The following EBF1 variants were observed in gnomAD, a reference collection of about 807,000 sequenced individuals.
EBF1 encodes EBF transcription factor 1, also known as transcription factor COE1.
EBF1 carries 10 observed loss-of-function variants against 68.4 expected under a neutral mutation model. The ratio of observed to expected loss-of-function variants is 0.15; its 90% CI spans 0.09 to 0.25. EBF1 has a LOEUF of 0.25. Ranked by LOEUF, EBF1 falls within the 10% of genes least tolerant of loss-of-function variation. The pLI is 1.00. For missense variants in EBF1, 509 were observed against 794.4 expected, an observed-to-expected ratio of 0.64 and a Z score of 4.32; for synonymous variants, 298 against 299.8, an observed-to-expected ratio of 0.99 and a Z score of 0.06.
At chr5:158,840,299 T>C (rs966171390) in intron 6 of EBF1, among the ~76,000 whole-genome samples, 189 bp from the exon 7 acceptor site, 2 of 152,226 alleles carry the variant, frequency 1.3e-5, no homozygotes, top group Non-Finnish European at 1.5e-5. Context: ...GGACCTTCCT[T>C]ATGACACAAA....
intron 10 of EBF1, among the ~76,000 whole-genome samples, chr5:158,768,345 T>C (rs1454594626): frequency 6.6e-6 from 1 of 152,112 alleles, no homozygotes; most frequent in East Asian, 1.9e-4. Context: ...CATAACTCCC[T>C]GATATTTATG....
At chr5:158,905,096 G>T (rs1804290879) in intron 6 of EBF1, among the ~76,000 whole-genome samples, 1 of 152,158 alleles carries the variant, frequency 6.6e-6, no homozygotes, top group East Asian at 1.9e-4. Flanking sequence ...AGCACATTTT[G>T]CTAGCAGAAA....
intron 10 of EBF1, among the ~76,000 whole-genome samples, chr5:158,771,909 A>G (rs192799194): frequency 6.6e-6 from 1 of 152,154 alleles, no homozygotes; most frequent in Non-Finnish European, 1.5e-5. Context: ...GGCTCTGTCC[A>G]CTATACCACA....
At chr5:158,909,909 A>T (rs1379943859) in intron 6 of EBF1, among the ~76,000 whole-genome samples, 2 of 129,646 alleles carry the variant, frequency 1.5e-5, no homozygotes, top group Non-Finnish European at 3.2e-5. Flanking sequence ...GTGAGCCGAG[A>T]TTGCACCACT....
At chr5:158,898,206 A>G (rs1038219172) in intron 6 of EBF1, among the ~76,000 whole-genome samples, 2 of 152,236 alleles carry the variant, frequency 1.3e-5, no homozygotes, top group Admixed American at 6.5e-5. Flanking sequence ...AGAGACATCT[A>G]TCTTGGGTCT....
At chr5:158,757,251 C>G (rs1263789266) in intron 10 of EBF1, among the ~76,000 whole-genome samples, 1 of 152,080 alleles carries the variant, frequency 6.6e-6, no homozygotes, top group Non-Finnish European at 1.5e-5. Flanking sequence ...GCTGGGTAAC[C>G]CATAGTGATC....
At chr5:158,736,321 C>T (rs2127558669) in intron 10 of EBF1, among the ~76,000 whole-genome samples, 1 of 152,346 alleles carries the variant, frequency 6.6e-6, no homozygotes, top group East Asian at 1.9e-4. Context: ...CTGCAGAGTT[C>T]TGTTCAGAAA....
chr5:158,987,204 T>C (rs1007568864), intron 6 of EBF1: 1 of 152,246 alleles, frequency 6.6e-6, no homozygotes, highest in African/African-American at 2.4e-5. Context: ...CAAACTATTT[T>C]ACTTTTCTGA....
chr5:158,977,815 T>G (rs2127578057), intron 6 of EBF1, among the ~76,000 whole-genome samples: 1 of 152,296 alleles, frequency 6.6e-6, no homozygotes, highest in African/African-American at 2.4e-5. Flanking sequence ...TCACTGGTTC[T>G]TAAATAAACA....
intron 10 of EBF1, among the ~76,000 whole-genome samples, chr5:158,774,491 A>T (rs865800950): frequency 3.3e-5 from 5 of 152,172 alleles, no homozygotes; most frequent in Middle Eastern, 3.4e-3. Context: ...CAAGGGAAAA[A>T]TTCCAAGTGA....
At chr5:158,857,846 T>C (rs1362591453) in intron 6 of EBF1, among the ~76,000 whole-genome samples, 2 of 152,192 alleles carry the variant, frequency 1.3e-5, no homozygotes, top group African/African-American at 4.8e-5. Flanking sequence ...TATTATCACA[T>C]TAGTACTGGA....
At chr5:158,970,289 C>T (rs1476770083) in intron 6 of EBF1, among the ~76,000 whole-genome samples, 1 of 152,164 alleles carries the variant, frequency 6.6e-6, no homozygotes, top group African/African-American at 2.4e-5. Flanking sequence ...AACTCATTAG[C>T]ATCACCTGTG....
At chr5:158,755,444 G>A (rs1769866621) in intron 10 of EBF1, among the ~76,000 whole-genome samples, 1 of 152,004 alleles carries the variant, frequency 6.6e-6, no homozygotes, top group South Asian at 2.1e-4. Flanking sequence ...TCCTTGCTCT[G>A]CACCTGTCTC....
At chr5:158,776,756 G>A (rs1775356802) in intron 10 of EBF1, among the ~76,000 whole-genome samples, 1 of 152,084 alleles carries the variant, frequency 6.6e-6, no homozygotes, top group African/African-American at 2.4e-5. Flanking sequence ...AAGATCCCTG[G>A]GTATTTGGTT....
At chr5:158,714,214 A>AG in intron 11 of EBF1, 32 bp from the exon 12 acceptor site, 1 of 1,612,230 alleles carries the variant, frequency 6.2e-7, no homozygotes, top group Non-Finnish European at 8.5e-7. Flanking sequence ...CAATCCTTTG[A>AG]GTGAAGGCAG....
intron 6 of EBF1, among the ~76,000 whole-genome samples, chr5:158,916,979 C>T (rs1376798577): frequency 6.6e-6 from 1 of 152,126 alleles, no homozygotes; most frequent in Non-Finnish European, 1.5e-5. Flanking sequence ...TCTTGAAAAC[C>T]ATTTATTTAG....
intron 4 of EBF1, among the ~76,000 whole-genome samples, chr5:159,088,164 G>A (rs1584530100): frequency 1.3e-5 from 2 of 152,074 alleles, no homozygotes; most frequent in Non-Finnish European, 2.9e-5. Flanking sequence ...GAAAAGTATT[G>A]TTAAACACAC....
At chr5:158,730,887 C>CA (rs1763958812) in intron 11 of EBF1, among the ~76,000 whole-genome samples, 182 bp downstream of exon 11, 1 of 152,136 alleles carries the variant, frequency 6.6e-6, no homozygotes, top group African/African-American at 2.4e-5. Context: ...TAAAAGTAAG[C>CA]ACAGTGTTGC....
chr5:158,774,670 A>G (rs999310925), intron 10 of EBF1, among the ~76,000 whole-genome samples: 14 of 152,148 alleles, frequency 9.2e-5, no homozygotes, highest in African/African-American at 3.4e-4. Context: ...TACAAAGAAC[A>G]GAGAGGTTTT....
Sources: gnomAD v4.1 joint callset for allele counts (sites outside exome capture counted in the v4.1 genomes callset) on GRCh38, gnomAD v4.1.1 for gene constraint, MANE v1.5 for transcripts, NCBI Gene and HGNC (gene_info 2026-07-23, HGNC 2026-07-21) for gene names.